Variants in BMP2K observed in about 807,000 individuals in gnomAD.
The protein encoded by BMP2K is BMP2 inducible kinase.
In BMP2K, 74 loss-of-function variants were observed where a neutral mutation model predicts 116.0. The ratio of observed to expected loss-of-function variants is 0.64; its 90% CI spans 0.53 to 0.77. The LOEUF (loss-of-function observed/expected upper bound fraction) is 0.77, where lower values mean the gene tolerates loss of function less well. BMP2K is among the 30% of genes least tolerant of loss of function. The pLI is 0.00. For missense variants in BMP2K, 1,365 were observed against 1,403.6 expected, an observed-to-expected ratio of 0.97 and a Z score of 0.44; for synonymous variants, 486 against 502.5, an observed-to-expected ratio of 0.97 and a Z score of 0.44.
intron 15 of BMP2K, among the ~76,000 whole-genome samples, chr4:78,905,092 ATCTAT>A (rs1278447492): frequency 6.6e-6 from 1 of 151,792 alleles, no homozygotes; most frequent in Admixed American, 6.6e-5. Flanking sequence ...GTTTTGACTA[ATCTAT>A]TGGTTCATTC....
At position 78,776,670 on chromosome 4, in the gene BMP2K, G is replaced by C. The variant is rs974616062; in HGVS notation, c.127G>C (p.Val43Leu). The C allele has an allele frequency of 8.1e-7, 1 of 1,241,244 alleles. No individual in the cohort carries two copies. The highest frequency in any genetic ancestry group is 1.0e-6 in the Non-Finnish European group (1 of 988,536). 76.9% of individuals were successfully genotyped at this position (1,241,244 alleles called of 1,614,324 possible). A position where few individuals can be genotyped will look rare whatever the true frequency, so the allele number is the denominator to read the frequency against. Residue 43 changes from valine (V) to leucine (L), a missense_variant, in exon 1 of 16, where the codon GTG becomes CTG. Coordinates refer to ENST00000502613, the MANE Select transcript of BMP2K (RefSeq NM_198892.2). ...CGGCGGCTCGTCCGTGGGGGTCCGG[G>C]TGTTCGCGGTCGGCCGCCACCAGGT... ...GSGGSSVGVR[V>L]FAVGRHQVTL...
intron 14 of BMP2K, among the ~76,000 whole-genome samples, chr4:78,881,632 A>G (rs547297317): frequency 6.6e-6 from 1 of 152,230 alleles, no homozygotes; most frequent in South Asian, 2.1e-4. Flanking sequence ...GATATCTAAT[A>G]TTTGATCTAT....
At chr4:78,817,868 TG>T (rs899695439) in intron 1 of BMP2K, among the ~76,000 whole-genome samples, 2 of 152,194 alleles carry the variant, frequency 1.3e-5, no homozygotes, top group African/African-American at 4.8e-5. Flanking sequence ...AATAAAGAAA[TG>T]TCTACTAAGG....
intron 1 of BMP2K, among the ~76,000 whole-genome samples, chr4:78,821,721 T>G (rs988860726): frequency 6.6e-6 from 1 of 152,156 alleles, no homozygotes. Flanking sequence ...TAAGGATTAT[T>G]TTGTTATTGA....
intron 1 of BMP2K, among the ~76,000 whole-genome samples, chr4:78,819,499 C>G (rs1729515105): frequency 6.6e-6 from 1 of 152,130 alleles, no homozygotes; most frequent in Non-Finnish European, 1.5e-5. Context: ...ACCTTATTAT[C>G]TCTGCTGAAA....
intron 15 of BMP2K, among the ~76,000 whole-genome samples, chr4:78,901,993 A>C (rs1267588063): frequency 6.6e-6 from 1 of 152,220 alleles, no homozygotes; most frequent in Non-Finnish European, 1.5e-5. Flanking sequence ...TACATAGAGC[A>C]AATATTTGTT....
At chr4:78,846,229 C>G (rs938492633) in intron 5 of BMP2K, among the ~76,000 whole-genome samples, 1 of 151,532 alleles carries the variant, frequency 6.6e-6, no homozygotes, top group Non-Finnish European at 1.5e-5. Flanking sequence ...ATGGACTTAC[C>G]ATTCATTCAG....
intron 10 of BMP2K, among the ~76,000 whole-genome samples, chr4:78,866,588 A>G (rs529044139): frequency 6.6e-6 from 1 of 152,322 alleles, no homozygotes; most frequent in African/African-American, 2.4e-5. Context: ...AATGTTAACT[A>G]TTAACTACTG....
chr4:78,878,089 T>C (rs758682223), intron 13 of BMP2K, among the ~76,000 whole-genome samples: 4 of 152,196 alleles, frequency 2.6e-5, no homozygotes, highest in Non-Finnish European at 5.9e-5. Flanking sequence ...CTCCAGACTC[T>C]AGATACTTTA....
chr4:78,805,279 C>T (rs1320463456), intron 1 of BMP2K, among the ~76,000 whole-genome samples: 1 of 152,132 alleles, frequency 6.6e-6, no homozygotes. Context: ...ATAAGTGTTA[C>T]CTTCTACCAG....
chr4:78,908,645 A>T (rs886690536), intron 15 of BMP2K, among the ~76,000 whole-genome samples: 2 of 152,136 alleles, frequency 1.3e-5, no homozygotes, highest in Admixed American at 1.3e-4. Flanking sequence ...CAGATACCTA[A>T]CTGCTGTACA....
rs553681933 is a variant in BMP2K, at chr4:78,912,386, G to A, written c.*353G>A. 38 of 189,832 alleles carry A rather than the reference G, an allele frequency of 2.0e-4. No individual in the cohort carries two copies. The highest frequency in any genetic ancestry group is 8.4e-4 in the African/African-American group (36 of 42,856). The allele number at this position is 189,832 out of a possible 1,614,324, so 11.8% of individuals were successfully genotyped here. The stretch of plus-strand genomic sequence containing the variant: ...AAACTGTTATTTTTGATATCAGAAT[G>A]TCATTTTTATGTGCATATCCCTAAA... On this transcript the variant is annotated 3_prime_UTR_variant, in exon 16 of 16. Coordinates refer to ENST00000502613, the MANE Select transcript of BMP2K (RefSeq NM_198892.2).
At chr4:78,859,433 C>T in intron 7 of BMP2K, 151 bp from the exon 8 acceptor site, 1 of 490,162 alleles carries the variant, frequency 2.0e-6, no homozygotes, top group Non-Finnish European at 3.5e-6. Context: ...GCAATTTCTG[C>T]ATTTTCTGTA....
At chr4:78,864,176 GA>G in intron 9 of BMP2K, among the ~76,000 whole-genome samples, 1 of 152,210 alleles carries the variant, frequency 6.6e-6, no homozygotes, top group Non-Finnish European at 1.5e-5. Flanking sequence ...AATCTGTAAA[GA>G]GGGTTTAGAC....
chr4:78,904,072 G>A (rs1359980268), intron 15 of BMP2K, among the ~76,000 whole-genome samples: 2 of 151,914 alleles, frequency 1.3e-5, no homozygotes, highest in South Asian at 2.1e-4. Flanking sequence ...TTATGAAAGA[G>A]TATTAAAGCC....
intron 9 of BMP2K, 50 bp from the exon 10 acceptor site, chr4:78,865,507 A>T: frequency 6.5e-7 from 1 of 1,546,998 alleles, no homozygotes; most frequent in Non-Finnish European, 8.9e-7. Flanking sequence ...ATAAATAGTA[A>T]ATTAGAAATA....
chr4:78,844,842 G>A (rs1037284899), intron 4 of BMP2K, 86 bp from the exon 5 acceptor site: 14 of 1,233,606 alleles, frequency 1.1e-5, no homozygotes, highest in East Asian at 2.4e-5. Flanking sequence ...AGCTTCGTAT[G>A]TACAAATAAC....
chr4:78,883,396 A>C (rs1361406458), intron 14 of BMP2K, among the ~76,000 whole-genome samples: 2 of 152,146 alleles, frequency 1.3e-5, no homozygotes. Flanking sequence ...TTTTCATGTG[A>C]ACTTTAGAAA....
Position 78,831,891 on chromosome 4 carries a change from C to T in BMP2K, c.298-1691C>T, listed in dbSNP as rs568279767. 1.4e-4 allele frequency among the ~76,000 whole-genome samples: 22 copies of T among 152,126 alleles called. No homozygotes were observed. The South Asian group carries it at 3.7e-3, about 26-fold the overall frequency. ...CTTGTCCTCCCATTTCTCCCCTCCT[C>T]TTCATCCTCTTTTCTCTTTCTCCAT... On this transcript the variant is annotated intron_variant, in intron 2 of 15. Coordinates refer to ENST00000502613, the MANE Select transcript of BMP2K (RefSeq NM_198892.2).
Sources: allele counts gnomAD v4.1 joint callset (sites outside exome capture counted in the v4.1 genomes callset), GRCh38; gene constraint gnomAD v4.1.1; transcripts MANE v1.5; gene names NCBI Gene and HGNC (gene_info 2026-07-23, HGNC 2026-07-21).